Variants in PCGF5 observed in about 807,000 individuals in gnomAD.
PCGF5 encodes the protein polycomb group RING finger protein 5.
Under a neutral mutation model 44.3 loss-of-function variants are expected in PCGF5, and 9 were observed. The ratio of observed to expected loss-of-function variants is 0.20; its 90% CI spans 0.12 to 0.35. The LOEUF (loss-of-function observed/expected upper bound fraction) is 0.35, where lower values mean the gene tolerates loss of function less well. PCGF5 is among the 10% of genes least tolerant of loss of function. The pLI, the probability that PCGF5 is intolerant of heterozygous loss-of-function variation, is 1.00. For missense variants in PCGF5, 146 were observed against 305.3 expected, an observed-to-expected ratio of 0.48 and a Z score of 3.89; for synonymous variants, 95 against 102.5, an observed-to-expected ratio of 0.93 and a Z score of 0.44.
rs565978043 is a variant in PCGF5 at position 91,197,012 on chromosome 10, A to G, written c.-183-25677A>G. ...CCATTCAAATCTCTTTTTAAACAAC[A>G]ACAACAAAAAAAACATGATGTGGTT... is the stretch of plus-strand genomic sequence containing the variant. On this transcript the variant is annotated intron_variant, in intron 1 of 9. Coordinates refer to the PCGF5 transcript ENST00000614189. Among the ~76,000 whole-genome samples, 15 of 152,150 alleles carry G rather than the reference A, an allele frequency of 9.9e-5. No homozygotes were observed. The East Asian group carries it at 2.9e-3, about 29-fold the overall frequency.
chr10:91,243,628 G>A (rs1050227040), intron 3 of PCGF5, among the ~76,000 whole-genome samples: 9 of 152,158 alleles, frequency 5.9e-5, no homozygotes, highest in African/African-American at 2.2e-4. Flanking sequence ...TTAGCCACAT[G>A]TGGCTCTTAA....
At chr10:91,169,956 A>G (rs1480268942) in intron 1 of PCGF5, among the ~76,000 whole-genome samples, 1 of 152,244 alleles carries the variant, frequency 6.6e-6, no homozygotes, top group Non-Finnish European at 1.5e-5. Context: ...GAGCCCATAA[A>G]TAGACCCCAA....
chr10:91,213,719 C>CA (rs1844494670), intron 1 of PCGF5, among the ~76,000 whole-genome samples: 1 of 151,758 alleles, frequency 6.6e-6, no homozygotes, highest in Non-Finnish European at 1.5e-5. Flanking sequence ...CTCCCGACCT[C>CA]AGAGAGGTCC....
At chr10:91,191,534 C>T in intron 1 of PCGF5, among the ~76,000 whole-genome samples, 1 of 152,108 alleles carries the variant, frequency 6.6e-6, no homozygotes. Context: ...AAAGCAAACC[C>T]CAGATAAGAA....
At chr10:91,194,953 G>C (rs1488050349) in intron 1 of PCGF5, among the ~76,000 whole-genome samples, 3 of 152,142 alleles carry the variant, frequency 2.0e-5, no homozygotes, top group Non-Finnish European at 2.9e-5. Flanking sequence ...ACCATGTGTG[G>C]GGGCATTTGT....
chr10:91,171,412 C>T (rs973089265), intron 1 of PCGF5, among the ~76,000 whole-genome samples: 6 of 151,970 alleles, frequency 3.9e-5, no homozygotes, highest in African/African-American at 9.7e-5. Context: ...TTTGGGTTTG[C>T]GCAGTGGGGA....
intron 1 of PCGF5, among the ~76,000 whole-genome samples, chr10:91,209,322 A>G (rs1844405452): frequency 6.6e-6 from 1 of 152,142 alleles, no homozygotes; most frequent in African/African-American, 2.4e-5. Flanking sequence ...AAGTCAGAGG[A>G]TGGGGCTGGG....
chr10:91,198,985 T>G (rs1396008939), intron 1 of PCGF5, among the ~76,000 whole-genome samples: 2 of 152,256 alleles, frequency 1.3e-5, no homozygotes, highest in Non-Finnish European at 1.5e-5. Context: ...GCTTTCAGTT[T>G]CACTGGCCAT....
intron 1 of PCGF5, among the ~76,000 whole-genome samples, chr10:91,197,287 G>T (rs1312787312): frequency 6.6e-6 from 1 of 152,112 alleles, no homozygotes; most frequent in Non-Finnish European, 1.5e-5. Flanking sequence ...TCATGTCCTG[G>T]GTCTAGTCTG....
intron 9 of PCGF5, among the ~76,000 whole-genome samples, chr10:91,272,857 G>A (rs1354957203): frequency 6.6e-6 from 1 of 152,034 alleles, no homozygotes; most frequent in Admixed American, 6.6e-5. Context: ...TATTTCCTTG[G>A]AGCCAGGGAG....
At chr10:91,172,019 G>A (rs943740180) in intron 1 of PCGF5, among the ~76,000 whole-genome samples, 4 of 152,176 alleles carry the variant, frequency 2.6e-5, no homozygotes, top group African/African-American at 9.7e-5. Context: ...TTAAAGATGA[G>A]GAAGCTTTAA....
chr10:91,266,997 G>A (rs765713898), intron 8 of PCGF5, among the ~76,000 whole-genome samples: 8 of 152,050 alleles, frequency 5.3e-5, no homozygotes, highest in East Asian at 3.9e-4. Context: ...TGCCCACTCC[G>A]TTCTCTGATT....
intron 7 of PCGF5, among the ~76,000 whole-genome samples, chr10:91,261,921 T>A (rs1845922374): frequency 6.6e-6 from 1 of 152,256 alleles, no homozygotes; most frequent in South Asian, 2.1e-4. Context: ...TAAATGTAAT[T>A]TACCAGTTTA....
chr10:91,282,286 A>G lies in PCGF5; in HGVS notation c.*3970A>G, dbSNP rs901231471. On this transcript the variant is annotated 3_prime_UTR_variant, in exon 10 of 10. Coordinates refer to ENST00000336126, the MANE Select transcript of PCGF5 (RefSeq NM_032373.5). ...GATCACTTGAGGTCAGGAGTTCGAG[A>G]CCAGCTGGTTAACATGGTGAAACCC... is the stretch of plus-strand genomic sequence containing the variant. The G allele has an allele frequency of 6.6e-6, 1 of 152,198 alleles. No individual in the cohort carries two copies. The highest frequency in any genetic ancestry group is 1.5e-5 in the Non-Finnish European group (1 of 68,090). 9.4% of individuals were successfully genotyped at this position (152,198 alleles called of 1,614,324 possible). A position where few individuals can be genotyped will look rare whatever the true frequency, so the allele number is the denominator to read the frequency against.
chr10:91,260,866 C>G (rs1845889500), intron 6 of PCGF5, among the ~76,000 whole-genome samples: 2 of 151,226 alleles, frequency 1.3e-5, no homozygotes, highest in African/African-American at 4.9e-5. Flanking sequence ...GCTAAATGAC[C>G]AGTTAATGGG....
chr10:91,175,739 CTTTT>C (rs923044268), intron 1 of PCGF5, among the ~76,000 whole-genome samples: 1 of 152,088 alleles, frequency 6.6e-6, no homozygotes, highest in Non-Finnish European at 1.5e-5. Flanking sequence ...CAACCCCTGC[CTTTT>C]TTTGTTTTCC....
chr10:91,188,338 C>T (rs921645025), intron 1 of PCGF5, among the ~76,000 whole-genome samples: 1 of 152,180 alleles, frequency 6.6e-6, no homozygotes, highest in African/African-American at 2.4e-5. Context: ...CCTGGAAAAG[C>T]AGATGGATGA....
At chr10:91,256,329 C>T (rs1845752818) in intron 6 of PCGF5, among the ~76,000 whole-genome samples, 1 of 151,894 alleles carries the variant, frequency 6.6e-6, no homozygotes, top group Non-Finnish European at 1.5e-5. Flanking sequence ...GGCTCAACAG[C>T]AGACTTGAGC....
rs373030793 is a variant in PCGF5 at position 91,283,528 on chromosome 10, A to G, written c.*5212A>G. 3.7e-4 allele frequency: 56 copies of G among 152,256 alleles called. No homozygotes were observed. The highest frequency in any genetic ancestry group is 1.3e-3 in the African/African-American group (55 of 41,468). 9.4% of individuals were successfully genotyped at this position (152,256 alleles called of 1,614,324 possible). ...TTTCTGGGTGATGGAGAGATAGTCA[A>G]CAAATTTATTTATCCATCCTCTGCA... On this transcript the variant is annotated 3_prime_UTR_variant, in exon 10 of 10. Coordinates refer to ENST00000336126, the MANE Select transcript of PCGF5 (RefSeq NM_032373.5).
Sources: allele counts gnomAD v4.1 joint callset (sites outside exome capture counted in the v4.1 genomes callset), GRCh38; gene constraint gnomAD v4.1.1; transcripts MANE v1.5; gene names NCBI Gene and HGNC (gene_info 2026-07-23, HGNC 2026-07-21).